Variants in FMNL2 observed in about 807,000 individuals in gnomAD.
The protein encoded by FMNL2 is formin like 2.
In FMNL2, 51 loss-of-function variants were observed where a neutral mutation model predicts 130.2. The ratio of observed to expected loss-of-function variants is 0.39; its 90% CI spans 0.31 to 0.49. The LOEUF is 0.49. Ranked by LOEUF, FMNL2 falls within the 20% of genes least tolerant of loss-of-function variation. The pLI is 0.85. For synonymous variants in FMNL2, 465 were observed against 467.1 expected (o/e 1.00, Z 0.06); for missense variants, 977 against 1,316.2 (o/e 0.74, Z 3.99).
chr2:152,465,427 G>A (rs1317686282), intron 1 of FMNL2, among the ~76,000 whole-genome samples: 2 of 152,212 alleles, frequency 1.3e-5, no homozygotes, highest in Non-Finnish European at 2.9e-5. Context: ...GGCTATTTGG[G>A]CAAAGTGGTT....
At chr2:152,491,957 A>G (rs1037428569) in intron 1 of FMNL2, among the ~76,000 whole-genome samples, 14 of 152,208 alleles carry the variant, frequency 9.2e-5, no homozygotes, top group Admixed American at 8.5e-4. Flanking sequence ...TCTCAACAAC[A>G]ACAACAACAA....
chr2:152,632,167 T>A, intron 21 of FMNL2, 30 bp downstream of exon 21: 1 of 1,599,732 alleles, frequency 6.3e-7, no homozygotes, highest in Non-Finnish European at 8.5e-7. Flanking sequence ...ACCGTTCGTC[T>A]TGGGTATTTA....
intron 1 of FMNL2, among the ~76,000 whole-genome samples, chr2:152,364,261 G>GTTTTTTTTTT (rs869062341): frequency 1.2e-4 from 3 of 24,468 alleles, no homozygotes; most frequent in Admixed American, 4.3e-4. Flanking sequence ...AGGTTTGTGT[G>GTTTTTTTTTT]TTTTTTTTTT....
chr2:152,531,816 A>G (rs1252360525), intron 2 of FMNL2, among the ~76,000 whole-genome samples: 2 of 152,168 alleles, frequency 1.3e-5, no homozygotes, highest in Non-Finnish European at 2.9e-5. Context: ...CCTGGGTTTA[A>G]GATGTAGGTC....
chr2:152,590,008 T>TAC (rs1223593365), intron 9 of FMNL2, among the ~76,000 whole-genome samples: 3,683 of 83,418 alleles, frequency 0.044, 410 homozygotes, highest in East Asian at 0.1. Flanking sequence ...TATATATATA[T>TAC]ACATATACAT....
chr2:152,393,116 C>G lies in FMNL2; in HGVS notation c.117+57396C>G, dbSNP rs574749353. Among the ~76,000 whole-genome samples the G allele has an allele frequency of 1.5e-4, 23 of 152,296 alleles. 1 individual carries two copies. Among genetic ancestry groups the G allele is most frequent in the African/African-American group, 5.5e-4 (23 of 41,544 alleles). On this transcript the variant is annotated intron_variant, in intron 1 of 25. Transcript: ENST00000288670. Reference sequence around the variant, plus strand: ...TCATCTTTGTAAATAGTCCTTCAGTCAGATGTCTTCATTGAAACTATGTGA... The same window carrying G: ...TCATCTTTGTAAATAGTCCTTCAGTGAGATGTCTTCATTGAAACTATGTGA...
intron 1 of FMNL2, among the ~76,000 whole-genome samples, chr2:152,416,270 ACAAAGATACC>A (rs1056818782): frequency 1.1e-4 from 16 of 152,220 alleles, no homozygotes; most frequent in Admixed American, 7.9e-4. Context: ...GAAAGAGGAT[ACAAAGATACC>A]TCCAGAGACA....
At chr2:152,389,283 G>A (rs1365214081) in intron 1 of FMNL2, among the ~76,000 whole-genome samples, 3 of 152,180 alleles carry the variant, frequency 2.0e-5, no homozygotes, top group African/African-American at 7.2e-5. Context: ...GGGAGGACCT[G>A]CCTCCTGGTT....
intron 1 of FMNL2, among the ~76,000 whole-genome samples, chr2:152,473,297 G>A (rs1182537005): frequency 6.6e-6 from 1 of 151,994 alleles, no homozygotes; most frequent in African/African-American, 2.4e-5. Flanking sequence ...TCCAACTCCT[G>A]GGCTCAAGCC....
At chr2:152,604,781 A>C (rs747338473) in intron 9 of FMNL2, among the ~76,000 whole-genome samples, 1 of 152,134 alleles carries the variant, frequency 6.6e-6, no homozygotes, top group Non-Finnish European at 1.5e-5. Context: ...TTTTTAGTAC[A>C]GACGGGGTTT....
rs1403847657 is a variant in FMNL2 at position 152,387,756 on chromosome 2, C to T, written c.117+52036C>T. On this transcript the variant is annotated intron_variant, in intron 1 of 25. Coordinates refer to ENST00000288670, the MANE Select transcript of FMNL2 (RefSeq NM_052905.4). ...GCAGCCTCAAACTTTTGGACTCAAG[C>T]CATCCTCCTGCCTCAGCCTCCTGAG... Among the ~76,000 whole-genome samples the T allele has an allele frequency of 8.6e-5, 13 of 151,972 alleles. No individual in the cohort carries two copies. The East Asian group carries it at 2.5e-3, about 29-fold the overall frequency.
intron 8 of FMNL2, among the ~76,000 whole-genome samples, chr2:152,580,658 A>G (rs1696731317): frequency 6.6e-6 from 1 of 152,114 alleles, no homozygotes; most frequent in African/African-American, 2.4e-5. Context: ...TTTCATCTGT[A>G]TTGTACTGAG....
chr2:152,493,726 CAGCCTG>C (rs1691344033), intron 1 of FMNL2, among the ~76,000 whole-genome samples: 1 of 152,224 alleles, frequency 6.6e-6, no homozygotes, highest in African/African-American at 2.4e-5. Context: ...TAAGTGGAAG[CAGCCTG>C]AGGCTCTCAC....
At chr2:152,552,562 A>G (rs1456431686) in intron 4 of FMNL2, among the ~76,000 whole-genome samples, 1 of 152,160 alleles carries the variant, frequency 6.6e-6, no homozygotes, top group Non-Finnish European at 1.5e-5. Flanking sequence ...ATATAAGCCT[A>G]AAACTCTATA....
intron 1 of FMNL2, among the ~76,000 whole-genome samples, chr2:152,451,039 A>G (rs993632188): frequency 2.6e-5 from 4 of 152,254 alleles, no homozygotes; most frequent in African/African-American, 9.6e-5. Context: ...TGAATAAAAC[A>G]TTCCAGGTTG....
chr2:152,463,504 T>C (rs1689361615), intron 1 of FMNL2, among the ~76,000 whole-genome samples: 1 of 152,160 alleles, frequency 6.6e-6, no homozygotes, highest in South Asian at 2.1e-4. Flanking sequence ...CTGAGTGCAA[T>C]TTGCCTTTAA....
intron 1 of FMNL2, among the ~76,000 whole-genome samples, chr2:152,438,212 G>A (rs1687870165): frequency 6.6e-6 from 1 of 152,154 alleles, no homozygotes; most frequent in African/African-American, 2.4e-5. Flanking sequence ...TTCAGCATTG[G>A]GTTTAAATAG....
At chr2:152,362,752 T>G (rs558002540) in intron 1 of FMNL2, among the ~76,000 whole-genome samples, 2 of 152,322 alleles carry the variant, frequency 1.3e-5, no homozygotes, top group South Asian at 4.1e-4. Context: ...ACTTAATACC[T>G]TATTAACTTT....
intron 21 of FMNL2, 47 bp from the exon 22 acceptor site, chr2:152,636,378 TTG>T: frequency 6.4e-7 from 1 of 1,566,818 alleles, no homozygotes; most frequent in Non-Finnish European, 8.7e-7. Context: ...TTCGCTGTGG[TTG>T]TGACTTCCCC....
Sources: allele counts gnomAD v4.1 joint callset (sites outside exome capture counted in the v4.1 genomes callset), GRCh38; gene constraint gnomAD v4.1.1; transcripts MANE v1.5; gene names NCBI Gene and HGNC (gene_info 2026-07-23, HGNC 2026-07-21).